The following CADPS2 variants were observed in gnomAD, a reference collection of about 807,000 sequenced individuals.
The protein encoded by CADPS2 is calcium-dependent secretion activator 2.
CADPS2 carries 93 observed loss-of-function variants against 172.5 expected under a neutral mutation model. The ratio of observed to expected loss-of-function variants is 0.54; its 90% CI spans 0.46 to 0.64. CADPS2 has a LOEUF of 0.64. Among genes scored for constraint, CADPS2 ranks in the 30% least tolerant of loss-of-function variants. CADPS2 has a pLI of 0.00. For synonymous variants in CADPS2, 546 were observed against 555.2 expected (o/e 0.98, Z 0.23); for missense variants, 1,420 against 1,565.9 (o/e 0.91, Z 1.57).
intron 14 of CADPS2, among the ~76,000 whole-genome samples, chr7:122,452,582 G>A (rs2053267289): frequency 6.6e-6 from 1 of 152,128 alleles, no homozygotes; most frequent in South Asian, 2.1e-4. Context: ...TTTTAGTAGA[G>A]ATGGGGTTTC....
At chr7:122,569,345 A>G (rs2132458100) in intron 7 of CADPS2, among the ~76,000 whole-genome samples, 1 of 152,208 alleles carries the variant, frequency 6.6e-6, no homozygotes, top group South Asian at 2.1e-4. Flanking sequence ...GACCTCTTCA[A>G]GGAGAACTAC....
chr7:122,456,304 C>T (rs986816962), intron 14 of CADPS2, among the ~76,000 whole-genome samples: 9 of 152,054 alleles, frequency 5.9e-5, no homozygotes, highest in Non-Finnish European at 8.8e-5. Flanking sequence ...GACAAATTTT[C>T]TCATTTGAAT....
chr7:122,620,657 C>T (rs557097224), intron 5 of CADPS2, among the ~76,000 whole-genome samples: 1 of 152,150 alleles, frequency 6.6e-6, no homozygotes, highest in South Asian at 2.1e-4. Flanking sequence ...ATGTACAGTG[C>T]CTGTAATAAA....
chr7:122,711,042 A>C (rs2088627595), intron 2 of CADPS2, among the ~76,000 whole-genome samples: 1 of 152,070 alleles, frequency 6.6e-6, no homozygotes, highest in African/African-American at 2.4e-5. Context: ...ACAACTACTC[A>C]CTTTTTTAAA....
intron 7 of CADPS2, among the ~76,000 whole-genome samples, chr7:122,569,118 A>T (rs1436977833): frequency 3.3e-5 from 5 of 152,298 alleles, no homozygotes; most frequent in Non-Finnish European, 7.3e-5. Context: ...ACATGATTGT[A>T]TATCTAGAAA....
chr7:122,426,558 A>T (rs755916320), intron 17 of CADPS2, among the ~76,000 whole-genome samples: 1 of 152,214 alleles, frequency 6.6e-6, no homozygotes, highest in Non-Finnish European at 1.5e-5. Context: ...TAATTTGCCA[A>T]ACTATTTCAT....
intron 1 of CADPS2, among the ~76,000 whole-genome samples, chr7:122,807,062 CT>C (rs1484308237): frequency 2.0e-5 from 3 of 152,222 alleles, no homozygotes; most frequent in Non-Finnish European, 4.4e-5. Context: ...GAGGAAGGGG[CT>C]TTCTTTCCTC....
At chr7:122,701,421 C>A (rs578197169) in intron 2 of CADPS2, among the ~76,000 whole-genome samples, 2 of 152,024 alleles carry the variant, frequency 1.3e-5, no homozygotes, top group African/African-American at 2.4e-5. Context: ...AGGGGAACGT[C>A]ACACACCGGG....
intron 1 of CADPS2, among the ~76,000 whole-genome samples, chr7:122,820,287 A>G (rs534469037): frequency 7.6e-4 from 116 of 152,190 alleles, no homozygotes; most frequent in Non-Finnish European, 1.5e-3. Context: ...CACTGCCACA[A>G]AGCTTCACAG....
chr7:122,848,640 T>C (rs1812681792), intron 1 of CADPS2, among the ~76,000 whole-genome samples: 1 of 152,242 alleles, frequency 6.6e-6, no homozygotes, highest in Non-Finnish European at 1.5e-5. Flanking sequence ...GCCTGTTTTT[T>C]CCCCATTATA....
chr7:122,635,832 T>C (rs1046773314), intron 3 of CADPS2, among the ~76,000 whole-genome samples: 1 of 152,222 alleles, frequency 6.6e-6, no homozygotes, highest in Admixed American at 6.5e-5. Context: ...TCCTGTTGAA[T>C]TGAACCACTT....
intron 8 of CADPS2, among the ~76,000 whole-genome samples, chr7:122,537,319 T>C (rs2062408072): frequency 6.6e-6 from 1 of 150,970 alleles, no homozygotes; most frequent in Non-Finnish European, 1.5e-5. Context: ...CAAAAGATTA[T>C]GCTCCAGAGA....
chr7:122,487,780 A>G (rs1364815714), intron 11 of CADPS2, among the ~76,000 whole-genome samples: 1 of 152,198 alleles, frequency 6.6e-6, no homozygotes, highest in Non-Finnish European at 1.5e-5. Context: ...CTATGTTTCC[A>G]TCTCTGGAGG....
At chr7:122,575,425 T>C (rs1353293752) in intron 7 of CADPS2, among the ~76,000 whole-genome samples, 2 of 151,708 alleles carry the variant, frequency 1.3e-5, no homozygotes, top group Non-Finnish European at 2.9e-5. Flanking sequence ...CTTTTTCTTT[T>C]CTTTTCTCTT....
At chr7:122,681,725 TA>T (rs1021620355) in intron 2 of CADPS2, 2 of 568,642 alleles carry the variant, frequency 3.5e-6, no homozygotes, top group South Asian at 2.9e-5. Context: ...ATGGAAATTG[TA>T]AAAAAATAAT....
chr7:122,843,152 G>A (rs1811032001), intron 1 of CADPS2, among the ~76,000 whole-genome samples: 1 of 152,106 alleles, frequency 6.6e-6, no homozygotes. Flanking sequence ...AAGGAGCAAT[G>A]CTTTCTGTGA....
At chr7:122,540,435 C>G (rs2062794862) in intron 8 of CADPS2, among the ~76,000 whole-genome samples, 2 of 151,868 alleles carry the variant, frequency 1.3e-5, no homozygotes, top group Non-Finnish European at 2.9e-5. Flanking sequence ...GATTGTTAAC[C>G]TTTCTTAACC....
intron 28 of CADPS2, among the ~76,000 whole-genome samples, chr7:122,327,235 A>G (rs1005239468): frequency 5.9e-5 from 9 of 152,208 alleles, no homozygotes; most frequent in African/African-American, 2.2e-4. Context: ...TATGCTACTT[A>G]TTTCAAATAA....
intron 6 of CADPS2, among the ~76,000 whole-genome samples, chr7:122,605,345 G>C (rs1563834383): frequency 6.6e-6 from 1 of 152,052 alleles, no homozygotes; most frequent in Admixed American, 6.6e-5. Flanking sequence ...CGACGGCTAT[G>C]ATGTCACTAA....
Sources: gnomAD v4.1 joint callset for allele counts (sites outside exome capture counted in the v4.1 genomes callset) on GRCh38, gnomAD v4.1.1 for gene constraint, MANE v1.5 for transcripts, NCBI Gene and HGNC (gene_info 2026-07-23, HGNC 2026-07-21) for gene names.